Variants in CFI observed in about 807,000 individuals in gnomAD.
CFI encodes the protein C3B/C4B inactivator.
In CFI, 66 loss-of-function variants were observed where a neutral mutation model predicts 78.8. The observed-to-expected ratio is 0.84, with a 90% CI of 0.69 to 1.03. The LOEUF is 1.03. Ranked by LOEUF, CFI falls within the 50% of genes least tolerant of loss-of-function variation. The pLI is 0.00. For synonymous variants in CFI, 250 were observed against 232.6 expected (o/e 1.07, Z -0.68); for missense variants, 706 against 704.5 (o/e 1.00, Z -0.02).
intron 1 of CFI, among the ~76,000 whole-genome samples, chr4:109,798,395 G>A (rs1732327875): frequency 6.6e-6 from 1 of 152,066 alleles, no homozygotes; most frequent in South Asian, 2.1e-4. Flanking sequence ...TACGTTTATG[G>A]CATATGTTGT....
downstream of CFI, among the ~76,000 whole-genome samples, chr4:109,740,481 A>G (rs1199139875): frequency 2.0e-5 from 3 of 152,202 alleles, no homozygotes; most frequent in Non-Finnish European, 4.4e-5. Context: ...GTAAGTATGT[A>G]GTTTCATTTT....
chr4:109,754,432 T>A (rs1234208858), intron 7 of CFI, among the ~76,000 whole-genome samples: 2 of 138,572 alleles, frequency 1.4e-5, no homozygotes, highest in East Asian at 2.1e-4. Flanking sequence ...AAAAAGAATC[T>A]TCTTTTTTTT....
chr4:109,789,905 A>G (rs1490147846), intron 1 of CFI, among the ~76,000 whole-genome samples: 2 of 152,014 alleles, frequency 1.3e-5, no homozygotes, highest in African/African-American at 4.8e-5. Flanking sequence ...TTCTCTTTAT[A>G]TGTTTGGTAG....
Position 109,761,685 on chromosome 4 carries a change from C to A in CFI, c.490G>T (p.Asp164Tyr). The A allele has an allele frequency of 6.2e-7, 1 of 1,610,420 alleles. No individual in the cohort carries two copies. The highest frequency in any genetic ancestry group is 8.5e-7 in the Non-Finnish European group (1 of 1,177,012). The change falls in exon 4 of 13, where the codon GAT becomes TAT. Residue 164 changes from aspartate to tyrosine, a missense_variant. Asp to Tyr is a radical substitution (Grantham distance 160). Transcript: ENST00000394634. ...CLDLGFQQGA[D>Y]TQRRFKLSDL... is the part of the protein sequence containing the mutation. ...GACAACTTAAACCTTCTTTGAGTAT[C>A]AGCACCTCTGCAAATAGAATAAAGG...
intron 1 of CFI, among the ~76,000 whole-genome samples, chr4:109,771,388 C>T (rs1027062355): frequency 6.9e-6 from 1 of 143,996 alleles, no homozygotes; most frequent in Non-Finnish European, 1.5e-5. Context: ...GAAACCCCAT[C>T]TCTACTAAAA....
rs933297130 is a variant in CFI at position 109,781,012 on chromosome 4, G to A, written c.58-14188C>T. On this transcript the variant is annotated intron_variant, in intron 1 of 12. Transcript: ENST00000394634. ...GGGCCTGTCATGGGGTCAGGGGAGC[G>A]GGGAGGGATAGCATTAGGAGATATA... 4.6e-5 allele frequency among the ~76,000 whole-genome samples: 7 copies of A among 152,180 alleles called. No homozygotes were observed. In the South Asian group the frequency reaches 8.3e-4, roughly 18 times the overall value.
chr4:109,768,601 A>G (rs924978694), intron 1 of CFI, among the ~76,000 whole-genome samples: 2 of 152,166 alleles, frequency 1.3e-5, no homozygotes, highest in South Asian at 2.1e-4. Flanking sequence ...GAACAGGCCA[A>G]TTGGGCCAAA....
intron 1 of CFI, among the ~76,000 whole-genome samples, chr4:109,800,321 G>GT (rs554145445): frequency 0.013 from 624 of 48,806 alleles, 143 homozygotes; most frequent in African/African-American, 0.045. Flanking sequence ...TGGCTTCTCT[G>GT]TTTTTTTTTT....
chr4:109,800,749 G>C (rs1425738769), intron 1 of CFI, among the ~76,000 whole-genome samples: 2 of 151,998 alleles, frequency 1.3e-5, no homozygotes, highest in Non-Finnish European at 2.9e-5. Flanking sequence ...GTATAAGTAT[G>C]CATTTATATA....
intron 1 of CFI, among the ~76,000 whole-genome samples, chr4:109,789,564 C>T (rs1731132412): frequency 6.6e-6 from 1 of 151,884 alleles, no homozygotes; most frequent in South Asian, 2.1e-4. Flanking sequence ...AATTCTATAC[C>T]CAGTAAAAAT....
intron 1 of CFI, among the ~76,000 whole-genome samples, chr4:109,777,213 G>A (rs1233029292): frequency 1.3e-5 from 2 of 152,212 alleles, no homozygotes; most frequent in Non-Finnish European, 2.9e-5. Flanking sequence ...TCAGTGTGCT[G>A]TATTCGGGAA....
Position 109,801,919 on chromosome 4 carries a change from C to T in CFI, c.53G>A (p.Cys18Tyr), listed in dbSNP as rs1732809300. 2 of 1,608,706 alleles carry T rather than the reference C, an allele frequency of 1.2e-6. No individual in the cohort carries two copies. Among genetic ancestry groups the T allele is most frequent in the African/African-American group, 2.7e-5 (2 of 74,796 alleles). The change falls in exon 1 of 13, where the codon TGC (cysteine) becomes TAC (tyrosine). Residue 18 changes from cysteine to tyrosine, a missense_variant. By Grantham distance (194) the Cys-to-Tyr change is radical. Coordinates refer to ENST00000394634, the MANE Select transcript of CFI (RefSeq NM_000204.5). The part of the protein sequence containing the change: ...LLFLCFHLRF[C>Y]KVTYTSQEDL... ...CATAAAGGTTGAATTACTTACCTTG[C>T]AAAACCTTAAGTGGAAGCACAGAAA...
At chr4:109,790,764 T>G (rs1731274777) in intron 1 of CFI, among the ~76,000 whole-genome samples, 1 of 152,178 alleles carries the variant, frequency 6.6e-6, no homozygotes, top group Non-Finnish European at 1.5e-5. Flanking sequence ...GCAAAAGACA[T>G]GATCTTGTTG....
chr4:109,795,099 T>C (rs541315675), intron 1 of CFI, among the ~76,000 whole-genome samples: 6 of 152,318 alleles, frequency 3.9e-5, no homozygotes, highest in African/African-American at 1.4e-4. Context: ...CCCTTTACCC[T>C]ACACAGCATA....
chr4:109,780,024 C>A (rs951402690), intron 1 of CFI, among the ~76,000 whole-genome samples: 1 of 152,074 alleles, frequency 6.6e-6, no homozygotes, highest in East Asian at 1.9e-4. Flanking sequence ...AAATGTTAGA[C>A]CTAAAACCAT....
the CFI span, among the ~76,000 whole-genome samples, chr4:109,734,192 A>G: frequency 6.6e-5 from 10 of 152,098 alleles, no homozygotes; most frequent in Admixed American, 6.5e-4. Flanking sequence ...TAAATAAATA[A>G]CATGGGACTA....
chr4:109,742,704 A>G, intron 11 of CFI, 109 bp from the exon 12 acceptor site: 1 of 729,304 alleles, frequency 1.4e-6, no homozygotes, highest in Non-Finnish European at 2.4e-6. Flanking sequence ...AGTTTTCAAT[A>G]TATATAAATT....
chr4:109,739,895 G>T (rs1413176710), downstream of CFI, among the ~76,000 whole-genome samples: 1 of 152,216 alleles, frequency 6.6e-6, no homozygotes, highest in Non-Finnish European at 1.5e-5. Flanking sequence ...CACCATGGAG[G>T]TAGGTGGTTG....
At chr4:109,732,456 T>A in the CFI span, among the ~76,000 whole-genome samples, 1 of 152,220 alleles carries the variant, frequency 6.6e-6, no homozygotes. Context: ...TTCCTCTTAA[T>A]TGATGCTGTT....
Sources: gnomAD v4.1 joint callset for allele counts (sites outside exome capture counted in the v4.1 genomes callset) on GRCh38, gnomAD v4.1.1 for gene constraint, MANE v1.5 for transcripts, NCBI Gene and HGNC (gene_info 2026-07-23, HGNC 2026-07-21) for gene names.